MTA3: variants seen among roughly 807,000 people sequenced by gnomAD.
The protein encoded by MTA3 is metastasis-associated protein MTA3.
A neutral mutation model predicts 83.5 loss-of-function variants in MTA3; 34 were observed. The ratio of observed to expected loss-of-function variants is 0.41; its 90% CI spans 0.31 to 0.54. The LOEUF is 0.54. Ranked by LOEUF, MTA3 falls within the 20% of genes least tolerant of loss-of-function variation. MTA3 has a pLI of 0.33. For missense variants in MTA3, 761 were observed against 726.4 expected (o/e 1.05, Z -0.55); for synonymous variants, 303 against 252.7 (o/e 1.20, Z -1.89).
chr2:42,677,173 C>T (rs1691437498), intron 8 of MTA3, among the ~76,000 whole-genome samples: 1 of 151,966 alleles, frequency 6.6e-6, no homozygotes, highest in Admixed American at 6.6e-5. Flanking sequence ...TGTGACTGTG[C>T]TTCATATGGT....
intron 11 of MTA3, among the ~76,000 whole-genome samples, chr2:42,699,165 G>C (rs2104480164): frequency 6.6e-6 from 1 of 152,254 alleles, no homozygotes; most frequent in East Asian, 1.9e-4. Context: ...AGCCAAATCT[G>C]ACCTACTGCT....
intron 2 of MTA3, among the ~76,000 whole-genome samples, chr2:42,508,297 G>A (rs1674729521): frequency 6.6e-6 from 1 of 151,952 alleles, no homozygotes; most frequent in Non-Finnish European, 1.5e-5. Flanking sequence ...AGAATCTCCA[G>A]CACCAAAAGT....
At chr2:42,581,897 C>G (rs1573049514) in intron 3 of MTA3, 1 of 174,142 alleles carries the variant, frequency 5.7e-6, no homozygotes, top group African/African-American at 2.4e-5. Flanking sequence ...TCCTGAGTAG[C>G]TGGGATTACA....
chr2:42,703,180 C>T (rs761423505), intron 11 of MTA3: 4 of 152,374 alleles, frequency 2.6e-5, no homozygotes, highest in Non-Finnish European at 4.4e-5. Flanking sequence ...CCAGGCTGGT[C>T]TCCGAACTCC....
At chr2:42,613,641 A>G (rs1157430306) in intron 4 of MTA3, 1 of 152,220 alleles carries the variant, frequency 6.6e-6, no homozygotes, top group African/African-American at 2.4e-5. Context: ...GGACACTATC[A>G]AGTGCCCAGA....
intron 2 of MTA3, among the ~76,000 whole-genome samples, chr2:42,522,841 C>G (rs1175413585): frequency 2.9e-5 from 4 of 138,228 alleles, no homozygotes; most frequent in Non-Finnish European, 6.2e-5. Flanking sequence ...CAGGGTCTTA[C>G]TTTGTCAGGT....
chr2:42,702,179 C>G (rs1573680477), intron 11 of MTA3: 1 of 152,350 alleles, frequency 6.6e-6, no homozygotes, highest in Non-Finnish European at 1.5e-5. Flanking sequence ...CCATTGCACT[C>G]CAGCCTGGGT....
At chr2:42,693,810 C>G (rs1356778701) in intron 9 of MTA3, among the ~76,000 whole-genome samples, 2 of 152,106 alleles carry the variant, frequency 1.3e-5, no homozygotes, top group African/African-American at 4.8e-5. Flanking sequence ...TCTTTTTAAA[C>G]AGAAGAAGCC....
intron 16 of MTA3, among the ~76,000 whole-genome samples, chr2:42,729,850 G>A (rs1668125282): frequency 1.3e-5 from 2 of 152,148 alleles, no homozygotes; most frequent in Non-Finnish European, 2.9e-5. Context: ...TATTTTGATA[G>A]GCATTGCATT....
intron 16 of MTA3, among the ~76,000 whole-genome samples, chr2:42,746,806 A>G (rs1342635964): frequency 6.6e-6 from 1 of 152,218 alleles, no homozygotes; most frequent in Non-Finnish European, 1.5e-5. Context: ...CCCTGGGCAC[A>G]CCACCCTCCA....
At chr2:42,628,292 G>A (rs1446634946) in intron 4 of MTA3, among the ~76,000 whole-genome samples, 7 of 151,510 alleles carry the variant, frequency 4.6e-5, no homozygotes, top group African/African-American at 1.5e-4. Flanking sequence ...GTGCAATGGC[G>A]TGATCTTGGC....
chr2:42,599,172 G>A (rs566214239), intron 3 of MTA3, among the ~76,000 whole-genome samples: 6 of 152,226 alleles, frequency 3.9e-5, no homozygotes, highest in East Asian at 1.9e-4. Flanking sequence ...GTGTTGCATC[G>A]TGTCCATGTT....
chr2:42,731,160 C>T (rs752994109), intron 16 of MTA3, among the ~76,000 whole-genome samples: 1 of 151,906 alleles, frequency 6.6e-6, no homozygotes, highest in African/African-American at 2.4e-5. Context: ...CCTTTTTGTT[C>T]CATTGACCTT....
chr2:42,565,570 C>T (rs1239203197), upstream of MTA3, among the ~76,000 whole-genome samples: 1 of 152,132 alleles, frequency 6.6e-6, no homozygotes, highest in Non-Finnish European at 1.5e-5. Flanking sequence ...GAAATTTCAT[C>T]CATGGAAGGG....
chr2:42,752,330 C>A, intron 16 of MTA3: 1 of 469,328 alleles, frequency 2.1e-6, no homozygotes, highest in Non-Finnish European at 4.4e-6. Flanking sequence ...GGGTCCTTTC[C>A]TGGCAGCAGG....
At chr2:42,719,137 C>T (rs1305349170) in intron 15 of MTA3, 63 bp downstream of exon 15, 2 of 1,268,094 alleles carry the variant, frequency 1.6e-6, no homozygotes, top group Non-Finnish European at 2.2e-6. Flanking sequence ...AGATATTTGG[C>T]AATTCTAAAT....
chr2:42,634,769 T>A (rs1432473095), intron 4 of MTA3, among the ~76,000 whole-genome samples: 1 of 152,206 alleles, frequency 6.6e-6, no homozygotes, highest in Non-Finnish European at 1.5e-5. Context: ...CTCCTCTCGA[T>A]GGTGGCTTCT....
In MTA3 at chr2:42,708,011, C is replaced by A; in HGVS notation, c.1259C>A (p.Thr420Asn). The A allele has an allele frequency of 6.2e-7, 1 of 1,613,466 alleles. No individual in the cohort carries two copies. The highest frequency in any genetic ancestry group is 8.5e-7 in the Non-Finnish European group (1 of 1,179,772). ...WKKYGGLKMP[T>N]QSEEEKLSPS... ...AAATATGGAGGCTTGAAAATGCCCACCCAGTCAGAAGAAGAGAAGTTATCT... is the reference window on the plus strand; with the variant it reads ...AAATATGGAGGCTTGAAAATGCCCAACCAGTCAGAAGAAGAGAAGTTATCT... Residue 420 changes from threonine (T) to asparagine (N), a missense_variant, in exon 13 of 17, where the codon ACC (threonine) becomes AAC (asparagine). By Grantham distance (65) the Thr-to-Asn change is moderately conservative. Coordinates refer to ENST00000405094, the MANE Select transcript of MTA3 (RefSeq NM_001330442.2).
At chr2:42,519,332 G>A (rs759928320) in intron 2 of MTA3, among the ~76,000 whole-genome samples, 5 of 151,260 alleles carry the variant, frequency 3.3e-5, no homozygotes, top group Non-Finnish European at 5.9e-5. Context: ...AGAGCCAGGC[G>A]CAGTGGCTCA....
Sources: gnomAD v4.1 joint callset for allele counts (sites outside exome capture counted in the v4.1 genomes callset) on GRCh38, gnomAD v4.1.1 for gene constraint, MANE v1.5 for transcripts, NCBI Gene and HGNC (gene_info 2026-07-23, HGNC 2026-07-21) for gene names.